The following MTERF4 variants were observed in gnomAD, a reference collection of about 807,000 sequenced individuals.
MTERF4 encodes the protein mitochondrial transcription termination factor 4, also known as transcription termination factor 4, mitochondrial.
A neutral mutation model predicts 22.5 loss-of-function variants in MTERF4; 17 were observed. The ratio of observed to expected loss-of-function variants is 0.75; its 90% CI spans 0.52 to 1.13. The LOEUF (loss-of-function observed/expected upper bound fraction) is 1.13, where lower values mean the gene tolerates loss of function less well. MTERF4 is among the 50% of genes most tolerant of loss of function. The probability of loss-of-function intolerance (pLI) is 0.00; values close to 1 mark genes in which losing one functional copy is unlikely to be tolerated. For missense variants in MTERF4, 420 were observed against 466.8 expected, an observed-to-expected ratio of 0.90 and a Z score of 0.92; for synonymous variants, 165 against 175.3, an observed-to-expected ratio of 0.94 and a Z score of 0.47.
Position 241,073,294 on chromosome 2 carries a change from C to T in MTERF4, n.2868G>A. 1 of 1,567,298 alleles carries T rather than the reference C, an allele frequency of 6.4e-7. No individual in the cohort carries two copies. The highest frequency in any genetic ancestry group is 8.6e-7 in the Non-Finnish European group (1 of 1,157,388). On this transcript the variant is annotated non_coding_transcript_exon_variant, in exon 5 of 5. Coordinates refer to the MTERF4 transcript ENST00000464344. The surrounding 1 kb of genome is among the most constrained non-coding windows in gnomAD (Gnocchi z 6.6). ...CCACAGCCTCGGCGCAGCTCGAGAACATGGAGGAAGCCCCCAAGCGGGTCA... is the reference window on the plus strand; with the variant it reads ...CCACAGCCTCGGCGCAGCTCGAGAATATGGAGGAAGCCCCCAAGCGGGTCA...
At chr2:241,061,084 A>G in the MTERF4 span, among the ~76,000 whole-genome samples, 1 of 152,232 alleles carries the variant, frequency 6.6e-6, no homozygotes, top group East Asian at 1.9e-4. Context: ...TAGAACCTAA[A>G]TCCATAAACC....
the MTERF4 span, chr2:241,065,410 C>T: frequency 8.7e-6 from 14 of 1,613,130 alleles, no homozygotes; most frequent in East Asian, 2.2e-5. Flanking sequence ...GATGGCTACG[C>T]GGTCACCTAC....
At chr2:241,066,268 G>C in the MTERF4 span, among the ~76,000 whole-genome samples, 1 of 152,188 alleles carries the variant, frequency 6.6e-6, no homozygotes, top group African/African-American at 2.4e-5. Context: ...GTGTCGGGGA[G>C]CAGAAGATGC....
At chr2:241,053,277 C>T in the MTERF4 span, 1 of 1,601,718 alleles carries the variant, frequency 6.2e-7, no homozygotes, top group Admixed American at 1.7e-5. Context: ...CCAGCCGCAT[C>T]CGGGTCTGCC....
chr2:241,079,805 C>CT (rs1226148960), intron 4 of MTERF4, among the ~76,000 whole-genome samples: 1 of 152,080 alleles, frequency 6.6e-6, no homozygotes, highest in Non-Finnish European at 1.5e-5. Flanking sequence ...GGAATATGGT[C>CT]TAAGGATAAA....
At chr2:241,064,771 G>A in the MTERF4 span, 88 of 1,116,846 alleles carry the variant, frequency 7.9e-5, no homozygotes, top group South Asian at 1.2e-3. The surrounding 1 kb of genome is among the most constrained non-coding windows in gnomAD (Gnocchi z 7.0). Flanking sequence ...CAGTGCCCCA[G>A]GAGCAAGGGC....
At position 241,095,668 on chromosome 2, in the gene MTERF4, T is replaced by C; in HGVS notation, c.*330A>G. ...CCATCTTCCAACTGTCACGGAATTATCACCAACATATTCAAAAGAGAAAAA... is the reference window on the plus strand; with the variant it reads ...CCATCTTCCAACTGTCACGGAATTACCACCAACATATTCAAAAGAGAAAAA... On this transcript the variant is annotated 3_prime_UTR_variant, in exon 4 of 4. Coordinates refer to ENST00000391980, the MANE Select transcript of MTERF4 (RefSeq NM_182501.4). 1 of 277,228 alleles carries C rather than the reference T, an allele frequency of 3.6e-6. No homozygotes were observed. The highest frequency in any genetic ancestry group is 6.8e-6 in the Non-Finnish European group (1 of 146,964). The allele number at this position is 277,228 out of a possible 1,614,324, so 17.2% of individuals were successfully genotyped here.
At chr2:241,049,055 A>G in the MTERF4 span, 5 of 1,613,388 alleles carry the variant, frequency 3.1e-6, no homozygotes, top group Admixed American at 8.3e-5. Context: ...ATGAACACAC[A>G]GTGCCCAGAT....
At chr2:241,087,665 A>G, downstream of MTERF4, 1 of 1,382,638 alleles carries the variant, frequency 7.2e-7, no homozygotes, top group East Asian at 2.7e-5. Flanking sequence ...ATGTGAGCAT[A>G]CCCAGAGGGG....
downstream of MTERF4, among the ~76,000 whole-genome samples, chr2:241,083,680 G>A (rs914279505): frequency 1.3e-5 from 2 of 152,182 alleles, no homozygotes; most frequent in Non-Finnish European, 2.9e-5. Context: ...AGTGCCTGCT[G>A]GTGACCACCA....
the MTERF4 span, among the ~76,000 whole-genome samples, chr2:241,057,380 A>AAAAAAAAAATATATATATATAT: frequency 8.5e-6 from 1 of 118,112 alleles, no homozygotes; most frequent in African/African-American, 3.8e-5. Flanking sequence ...TCCATCTCAA[A>AAAAAAAAAATATATATATATAT]ATATATATAT....
downstream of MTERF4, chr2:241,087,219 A>C: frequency 1.7e-6 from 1 of 597,390 alleles, no homozygotes; most frequent in Non-Finnish European, 3.0e-6. Flanking sequence ...AAATCACATG[A>C]CCTTTATGTT....
the MTERF4 span, among the ~76,000 whole-genome samples, chr2:241,064,285 C>T: frequency 6.6e-6 from 1 of 151,870 alleles, no homozygotes; most frequent in Non-Finnish European, 1.5e-5. The surrounding 1 kb of genome is among the most constrained non-coding windows in gnomAD (Gnocchi z 7.0). Context: ...AGGCCAGTGG[C>T]CCTCCGCCTG....
chr2:241,100,605 C>T (rs1247626175), intron 1 of MTERF4, among the ~76,000 whole-genome samples: 1 of 152,140 alleles, frequency 6.6e-6, no homozygotes, highest in East Asian at 1.9e-4. Flanking sequence ...GCTGGGACTA[C>T]AGGTGCACAC....
chr2:241,077,053 T>A (rs930557865), intron 4 of MTERF4, among the ~76,000 whole-genome samples: 53 of 145,486 alleles, frequency 3.6e-4, no homozygotes, highest in African/African-American at 1.3e-3. Context: ...CACTCCAGCC[T>A]GGGCGACAGA....
chr2:241,063,540 C>T, the MTERF4 span: 6 of 1,317,472 alleles, frequency 4.6e-6, no homozygotes, highest in Non-Finnish European at 6.5e-6. Context: ...CATGTGGGCG[C>T]CTCAGACTTG....
chr2:241,058,680 G>A, the MTERF4 span, among the ~76,000 whole-genome samples: 1 of 152,254 alleles, frequency 6.6e-6, no homozygotes, highest in African/African-American at 2.4e-5. Context: ...GCCGGGCGCG[G>A]TGGCTCATGC....
the MTERF4 span, chr2:241,065,197 C>A: frequency 8.1e-7 from 1 of 1,232,876 alleles, no homozygotes; most frequent in South Asian, 1.4e-5. Context: ...ATGGCTGTGT[C>A]AGGCCCAAGA....
In MTERF4 at chr2:241,095,783, C is replaced by G. The variant is rs2064371897; in HGVS notation, c.*215G>C. 1.2e-6 allele frequency: 1 copy of G among 810,040 alleles called. No homozygotes were observed. The highest frequency in any genetic ancestry group is 1.7e-5 in the African/African-American group (1 of 58,064). 50.2% of individuals were successfully genotyped at this position (810,040 alleles called of 1,614,324 possible). ...TCAGGATGGGACAGGGCCCTCCCCA[C>G]AGACACGTGACAACAGATCAAACAT... On this transcript the variant is annotated 3_prime_UTR_variant, in exon 4 of 4. Transcript: ENST00000391980.
Sources: gnomAD v4.1 joint callset for allele counts (sites outside exome capture counted in the v4.1 genomes callset) on GRCh38, gnomAD v4.1.1 for gene constraint, Gnocchi (gnomAD v3.1) non-coding constraint, MANE v1.5 for transcripts, NCBI Gene and HGNC (gene_info 2026-07-23, HGNC 2026-07-21) for gene names.